The following LGSN variants were observed in gnomAD, a reference collection of about 807,000 sequenced individuals.
LGSN encodes the protein lengsin.
Under a neutral mutation model 19.5 loss-of-function variants are expected in LGSN, and 21 were observed. The ratio of observed to expected loss-of-function variants is 1.07; its 90% CI spans 0.76 to 1.55. LGSN has a LOEUF of 1.55. LGSN is among the 40% of genes most tolerant of loss of function. The pLI is 0.00. For missense variants in LGSN, 673 were observed against 608.5 expected (o/e 1.11, Z -1.12); for synonymous variants, 257 against 215.6 (o/e 1.19, Z -1.68).
At chr6:63,541,102 A>C in the LGSN span, among the ~76,000 whole-genome samples, 3 of 152,160 alleles carry the variant, frequency 2.0e-5, no homozygotes, top group Non-Finnish European at 4.4e-5. Flanking sequence ...GTGTGCCCTA[A>C]ACTAAGGAGT....
At chr6:63,363,033 C>T in the LGSN span, among the ~76,000 whole-genome samples, 1 of 152,210 alleles carries the variant, frequency 6.6e-6, no homozygotes, top group Non-Finnish European at 1.5e-5. Context: ...ATTTGCCGTT[C>T]TGCAATATTT....
rs1767279493 is a variant in LGSN at position 63,280,881 on chromosome 6, T to A, written c.670A>T (p.Ile224Leu). Reference sequence around the variant, plus strand: ...AAAAATGTTAAAGCAGGAAAAGATATAATCTTTGAATTTAAAATTTCGGGC... The same window carrying A: ...AAAAATGTTAAAGCAGGAAAAGATAAAATCTTTGAATTTAAAATTTCGGGC... The part of the protein sequence containing the change: ...GVPEILNSKI[I>L]SFPALTFLNN... The change falls in exon 4 of 4, where the codon ATA becomes TTA. Residue 224 changes from isoleucine to leucine, a missense_variant. Coordinates refer to ENST00000370657, the MANE Select transcript of LGSN (RefSeq NM_016571.3). 2 of 1,613,978 alleles carry A rather than the reference T, an allele frequency of 1.2e-6. No homozygotes were observed. The highest frequency in any genetic ancestry group is 1.7e-6 in the Non-Finnish European group (2 of 1,179,974).
At chr6:63,350,294 TATTA>T in the LGSN span, among the ~76,000 whole-genome samples, 2 of 152,252 alleles carry the variant, frequency 1.3e-5, no homozygotes, top group Non-Finnish European at 1.5e-5. Context: ...GCAATTACTA[TATTA>T]ATTATTTCAC....
chr6:63,386,017 A>G, the LGSN span, among the ~76,000 whole-genome samples: 1,282 of 152,276 alleles, frequency 8.4e-3, 22 homozygotes, highest in African/African-American at 0.029. Context: ...ATGTTAATAT[A>G]TTGGGACCAG....
the LGSN span, among the ~76,000 whole-genome samples, chr6:63,476,663 T>G: frequency 6.6e-6 from 1 of 152,128 alleles, no homozygotes; most frequent in South Asian, 2.1e-4. Context: ...CAAAACATAG[T>G]ATCTCAAGAG....
At chr6:63,358,612 CT>C in the LGSN span, among the ~76,000 whole-genome samples, 1 of 152,248 alleles carries the variant, frequency 6.6e-6, no homozygotes, top group South Asian at 2.1e-4. Context: ...TGGGAGTTCA[CT>C]CATGATTTGG....
the LGSN span, among the ~76,000 whole-genome samples, chr6:63,382,617 A>G: frequency 3.3e-5 from 5 of 152,152 alleles, no homozygotes; most frequent in Non-Finnish European, 5.9e-5. Flanking sequence ...CTGTCTCAGA[A>G]GGACAGTCCT....
the LGSN span, among the ~76,000 whole-genome samples, chr6:63,404,393 C>G: frequency 6.6e-6 from 1 of 152,036 alleles, no homozygotes; most frequent in East Asian, 1.9e-4. Context: ...AAATCCAGAA[C>G]TAATATGTAA....
chr6:63,496,005 C>A, the LGSN span, among the ~76,000 whole-genome samples: 1 of 151,688 alleles, frequency 6.6e-6, no homozygotes, highest in Middle Eastern at 3.4e-3. Flanking sequence ...TGGCTTACCG[C>A]AACCTCTGCC....
chr6:63,555,516 G>A, the LGSN span, among the ~76,000 whole-genome samples: 1 of 152,016 alleles, frequency 6.6e-6, no homozygotes, highest in Non-Finnish European at 1.5e-5. Context: ...CAGTGTAGCT[G>A]CTGCTGCAAT....
At chr6:63,371,390 C>T in the LGSN span, among the ~76,000 whole-genome samples, 350 of 152,324 alleles carry the variant, frequency 2.3e-3, 2 homozygotes, top group African/African-American at 7.9e-3. Flanking sequence ...CCACTGAAAA[C>T]GGCATTTCCT....
At chr6:63,477,649 T>TTTTTTTC in the LGSN span, among the ~76,000 whole-genome samples, 3 of 150,356 alleles carry the variant, frequency 2.0e-5, no homozygotes, top group Admixed American at 2.0e-4. Context: ...CATCCTTTTT[T>TTTTTTTC]TTTTTCTTTT....
At chr6:63,542,722 A>G in the LGSN span, among the ~76,000 whole-genome samples, 2 of 152,090 alleles carry the variant, frequency 1.3e-5, no homozygotes, top group South Asian at 2.1e-4. Flanking sequence ...TGCTTTTTTG[A>G]AATCTCCTTT....
chr6:63,303,147 T>C (rs997524164), intron 1 of LGSN, among the ~76,000 whole-genome samples: 2 of 152,186 alleles, frequency 1.3e-5, no homozygotes, highest in Admixed American at 1.3e-4. Flanking sequence ...CAAAGTGGTT[T>C]ATTTTGCTTT....
At chr6:63,405,473 T>A in the LGSN span, among the ~76,000 whole-genome samples, 1 of 152,296 alleles carries the variant, frequency 6.6e-6, no homozygotes, top group East Asian at 1.9e-4. Context: ...ACCTGATGTT[T>A]CCTGACATTT....
the LGSN span, among the ~76,000 whole-genome samples, chr6:63,452,574 A>G: frequency 6.6e-6 from 1 of 151,974 alleles, no homozygotes. Context: ...AAAAATTCAT[A>G]ATATATTTAT....
At chr6:63,408,780 A>T in the LGSN span, among the ~76,000 whole-genome samples, 4 of 152,106 alleles carry the variant, frequency 2.6e-5, no homozygotes, top group Non-Finnish European at 5.9e-5. Flanking sequence ...CAACCTACTT[A>T]TCTGACAAAG....
rs1767181957 is a variant in LGSN at position 63,278,916 on chromosome 6, T to C, written c.*1105A>G. On this transcript the variant is annotated 3_prime_UTR_variant, in exon 4 of 4. Transcript: ENST00000370657. Reference sequence around the variant, plus strand: ...AAATTGAGACTACAGTCAGTTTTAATTGAACATAAAATCTGCTGTTTGATC... The same window carrying C: ...AAATTGAGACTACAGTCAGTTTTAACTGAACATAAAATCTGCTGTTTGATC... 1 of 152,232 alleles carries C rather than the reference T, an allele frequency of 6.6e-6. No individual in the cohort carries two copies. The highest frequency in any genetic ancestry group is 1.9e-4 in the East Asian group (1 of 5,196). 9.4% of individuals were successfully genotyped at this position (152,232 alleles called of 1,614,324 possible).
chr6:63,396,427 C>A, the LGSN span: 1 of 190,778 alleles, frequency 5.2e-6, no homozygotes. Flanking sequence ...ATGCTGCTGC[C>A]TATAGCTTCT....
Sources: allele counts gnomAD v4.1 joint callset (sites outside exome capture counted in the v4.1 genomes callset), GRCh38; gene constraint gnomAD v4.1.1; transcripts MANE v1.5; gene names NCBI Gene and HGNC (gene_info 2026-07-23, HGNC 2026-07-21).